SGCD: variants seen among roughly 807,000 people sequenced by gnomAD.
SGCD encodes the protein delta-sarcoglycan.
Under a neutral mutation model 36.6 loss-of-function variants are expected in SGCD, and 18 were observed. The observed-to-expected ratio is 0.49, with a 90% CI of 0.34 to 0.73. The LOEUF is 0.73. Among genes scored for constraint, SGCD ranks in the 30% least tolerant of loss-of-function variants. The probability of loss-of-function intolerance (pLI) is 0.01; values close to 1 mark genes in which losing one functional copy is unlikely to be tolerated. For synonymous variants in SGCD, 133 were observed against 130.6 expected (o/e 1.02, Z -0.12); for missense variants, 387 against 346.7 (o/e 1.12, Z -0.92).
intron 1 of SGCD, among the ~76,000 whole-genome samples, chr5:156,047,411 G>C (rs987311683): frequency 1.3e-5 from 2 of 152,100 alleles, no homozygotes; most frequent in Non-Finnish European, 2.9e-5. Context: ...TCAATGCCTG[G>C]CCTCATTGCT....
chr5:155,883,793 CAAAAAAA>C (rs34250962), intron 1 of SGCD, among the ~76,000 whole-genome samples: 7 of 83,488 alleles, frequency 8.4e-5, no homozygotes, highest in Middle Eastern at 9.4e-3. Flanking sequence ...CTTCAATTTG[CAAAAAAA>C]AAAAAAAAAA....
intron 3 of SGCD, among the ~76,000 whole-genome samples, chr5:156,206,698 T>G (rs2127639221): frequency 6.6e-6 from 1 of 152,218 alleles, no homozygotes; most frequent in African/African-American, 2.4e-5. Flanking sequence ...AAGTTAGATC[T>G]TGTATACTAT....
At position 156,761,091 on chromosome 5, in the gene SGCD, C is replaced by T. The variant is rs1461643743; in HGVS notation, c.*1701C>T. 1 of 152,182 alleles carries T rather than the reference C, an allele frequency of 6.6e-6. No individual in the cohort carries two copies. Among genetic ancestry groups the T allele is most frequent in the African/African-American group, 2.4e-5 (1 of 41,454 alleles). The allele number at this position is 152,182 out of a possible 1,614,324, so 9.4% of individuals were successfully genotyped here. ...TTTCTTTTCCCTCAACAAGGTTTTA[C>T]TTTTTCTTACTTTACAAGCAAGGGA... On this transcript the variant is annotated 3_prime_UTR_variant, in exon 9 of 9. Coordinates refer to ENST00000337851, the MANE Select transcript of SGCD (RefSeq NM_000337.6).
intron 7 of SGCD, among the ~76,000 whole-genome samples, chr5:156,692,008 T>A (rs1754130042): frequency 6.6e-6 from 1 of 152,216 alleles, no homozygotes; most frequent in Non-Finnish European, 1.5e-5. Flanking sequence ...TGTGTGGAAC[T>A]GATATTAATA....
chr5:155,954,696 G>T lies in SGCD; in HGVS notation c.-282+84272G>T, dbSNP rs111992437. On this transcript the variant is annotated intron_variant, in intron 1 of 9. Coordinates refer to the SGCD transcript ENST00000517913. ...TTACCAACTTTGTTCTATCAGTAAAGGTTTTCCAGAGAAAGAGAACTAACA... is the reference window on the plus strand; with the variant it reads ...TTACCAACTTTGTTCTATCAGTAAATGTTTTCCAGAGAAAGAGAACTAACA... Among the ~76,000 whole-genome samples, 285 of 151,950 alleles carry T rather than the reference G, an allele frequency of 1.9e-3. 2 individuals carry two copies. The highest frequency in any genetic ancestry group is 2.8e-3 in the Non-Finnish European group (191 of 67,954).
intron 3 of SGCD, among the ~76,000 whole-genome samples, chr5:156,186,436 T>C (rs1763764002): frequency 6.6e-6 from 1 of 152,180 alleles, no homozygotes; most frequent in Non-Finnish European, 1.5e-5. Flanking sequence ...TTCTCTCATA[T>C]CTTCTAAAAC....
At chr5:156,343,697 T>C (rs757093622) in intron 2 of SGCD, among the ~76,000 whole-genome samples, 5 of 152,232 alleles carry the variant, frequency 3.3e-5, no homozygotes, top group Admixed American at 6.5e-5. Context: ...TTATAATATA[T>C]TGACAAATCC....
intron 1 of SGCD, among the ~76,000 whole-genome samples, chr5:155,914,375 C>G (rs761799788): frequency 2.0e-5 from 3 of 152,140 alleles, no homozygotes; most frequent in Non-Finnish European, 2.9e-5. Context: ...TTCATGCCTA[C>G]TATGTGCCAG....
In SGCD at chr5:155,939,491, A is replaced by G. The variant is rs188353860; in HGVS notation, c.-282+69067A>G. Among the ~76,000 whole-genome samples the G allele has an allele frequency of 5.4e-4, 82 of 151,912 alleles. 1 individual carries two copies. Among genetic ancestry groups the G allele is most frequent in the African/African-American group, 1.9e-3 (79 of 41,466 alleles). On this transcript the variant is annotated intron_variant, in intron 1 of 9. Coordinates refer to the SGCD transcript ENST00000517913. Reference sequence around the variant, plus strand: ...CCTCATCTCTACTAAAAAAAATACAAAAATTAGCCAGGTGTGGTGACATGT... The same window carrying G: ...CCTCATCTCTACTAAAAAAAATACAGAAATTAGCCAGGTGTGGTGACATGT...
At chr5:156,141,434 G>A (rs1762578467) in intron 3 of SGCD, among the ~76,000 whole-genome samples, 1 of 152,208 alleles carries the variant, frequency 6.6e-6, no homozygotes, top group South Asian at 2.1e-4. Flanking sequence ...ACTGATATGT[G>A]GGCTGCTCAC....
chr5:155,859,270 G>A, the SGCD span, among the ~76,000 whole-genome samples: 2 of 151,772 alleles, frequency 1.3e-5, no homozygotes, highest in South Asian at 4.2e-4. Flanking sequence ...TCTCACTATG[G>A]TGTCTAGGCT....
At chr5:156,360,615 A>C (rs1009025828) in intron 3 of SGCD, among the ~76,000 whole-genome samples, 3 of 151,966 alleles carry the variant, frequency 2.0e-5, no homozygotes, top group Non-Finnish European at 4.4e-5. Flanking sequence ...CAATCAGCAC[A>C]CACTTCCCAT....
At chr5:155,734,466 C>G in the SGCD span, among the ~76,000 whole-genome samples, 1 of 152,028 alleles carries the variant, frequency 6.6e-6, no homozygotes, top group Non-Finnish European at 1.5e-5. Context: ...CCATCCTTGG[C>G]CTCGCAAAGT....
intron 3 of SGCD, among the ~76,000 whole-genome samples, chr5:156,488,940 T>C (rs1755821128): frequency 6.6e-6 from 1 of 152,086 alleles, no homozygotes; most frequent in African/African-American, 2.4e-5. Context: ...ACTGGTTGAA[T>C]GGATTAAAAT....
intron 1 of SGCD, among the ~76,000 whole-genome samples, chr5:156,065,595 A>G (rs1317513381): frequency 4.0e-5 from 1 of 25,136 alleles, no homozygotes; most frequent in East Asian, 1.0e-3. Context: ...GTCACTGAGG[A>G]CTTGCTTTAT....
intron 3 of SGCD, among the ~76,000 whole-genome samples, chr5:156,498,118 TACCCTCTTTAAC>T (rs1255074994): frequency 1.3e-5 from 2 of 152,134 alleles, no homozygotes; most frequent in Admixed American, 6.6e-5. Context: ...AGTCATGTTT[TACCCTCTTTAAC>T]ATACTACCTC....
At chr5:156,215,987 G>A (rs1430905998) in intron 3 of SGCD, among the ~76,000 whole-genome samples, 3 of 152,140 alleles carry the variant, frequency 2.0e-5, no homozygotes, top group Non-Finnish European at 2.9e-5. Flanking sequence ...ATACATAATG[G>A]AATAGTATTT....
At chr5:155,981,702 A>G (rs557366243) in intron 1 of SGCD, among the ~76,000 whole-genome samples, 2 of 152,210 alleles carry the variant, frequency 1.3e-5, no homozygotes, top group African/African-American at 4.8e-5. Flanking sequence ...TGCCTTACCC[A>G]GGATGCTTTC....
intron 3 of SGCD, among the ~76,000 whole-genome samples, chr5:156,419,971 G>A (rs1384989321): frequency 4.6e-5 from 7 of 152,020 alleles, no homozygotes; most frequent in Non-Finnish European, 7.4e-5. Flanking sequence ...GGATGGAAGA[G>A]CCTAGGAAGA....
Sources: gnomAD v4.1 joint callset for allele counts (sites outside exome capture counted in the v4.1 genomes callset) on GRCh38, gnomAD v4.1.1 for gene constraint, MANE v1.5 for transcripts, NCBI Gene and HGNC (gene_info 2026-07-23, HGNC 2026-07-21) for gene names.